AKAP9: variants seen among roughly 807,000 people sequenced by gnomAD.
AKAP9 encodes the protein A-kinase anchor protein 9.
AKAP9 carries 311 observed loss-of-function variants against 488.5 expected under a neutral mutation model. The observed-to-expected ratio is 0.64, with a 90% CI of 0.58 to 0.70. The LOEUF is 0.70. AKAP9 is among the 30% of genes least tolerant of loss of function. The pLI is 0.00. For synonymous variants in AKAP9, 1,462 were observed against 1,483.5 expected (o/e 0.99, Z 0.33); for missense variants, 4,215 against 4,374.5 (o/e 0.96, Z 1.03).
intron 39 of AKAP9, among the ~76,000 whole-genome samples, chr7:92,094,487 C>T (rs575396330): frequency 1.6e-4 from 23 of 145,282 alleles, no homozygotes; most frequent in Admixed American, 1.2e-3. Context: ...GAGCCAGGAT[C>T]GCGCTATTGC....
At chr7:92,049,461 A>C (rs1807540513) in intron 21 of AKAP9, among the ~76,000 whole-genome samples, 1 of 151,946 alleles carries the variant, frequency 6.6e-6, no homozygotes, top group African/African-American at 2.4e-5. Flanking sequence ...AATACAAAAA[A>C]TTAGCCAGGC....
chr7:92,068,504 C>T (rs1010455969), intron 26 of AKAP9, among the ~76,000 whole-genome samples: 3 of 151,766 alleles, frequency 2.0e-5, no homozygotes, highest in African/African-American at 7.3e-5. Context: ...AGAACCTAGG[C>T]TGTCATCTCC....
At chr7:92,095,829 C>T (rs942992889) in intron 40 of AKAP9, among the ~76,000 whole-genome samples, 8 of 152,164 alleles carry the variant, frequency 5.3e-5, no homozygotes, top group Non-Finnish European at 8.8e-5. Flanking sequence ...AGCCTCCAGG[C>T]AAAGAGAACT....
intron 2 of AKAP9, among the ~76,000 whole-genome samples, chr7:91,974,874 G>A (rs891675190): frequency 6.6e-6 from 1 of 151,122 alleles, no homozygotes; most frequent in Non-Finnish European, 1.5e-5. Flanking sequence ...TTTTTGAGAT[G>A]GGTTCTCACT....
At chr7:92,083,060 A>G in intron 32 of AKAP9, 110 bp from the exon 33 acceptor site, 2 of 1,321,616 alleles carry the variant, frequency 1.5e-6, no homozygotes, top group Non-Finnish European at 2.1e-6. Context: ...TACTCTGAGG[A>G]AAATGAACGT....
rs998815963 is a variant in AKAP9, at chr7:91,994,698, A to G, written c.654A>G (p.Arg218=). Residue 218 remains arginine (R), a synonymous_variant, in exon 6 of 50, where the codon AGA becomes AGG. Coordinates refer to ENST00000356239, the MANE Select transcript of AKAP9 (RefSeq NM_005751.5). ...TQLTANLQQA[R]REKDETMREF... ...TCACTGCTAATTTACAACAAGCAAG[A>G]AGAGAAAAGGATGAGACAATGAGAG... 1.9e-5 allele frequency: 30 copies of G among 1,613,466 alleles called. No individual in the cohort carries two copies. The highest frequency in any genetic ancestry group is 2.5e-5 in the Non-Finnish European group (29 of 1,179,676).
intron 1 of AKAP9, among the ~76,000 whole-genome samples, chr7:91,969,685 T>C (rs962080269): frequency 1.3e-5 from 2 of 152,210 alleles, no homozygotes; most frequent in African/African-American, 4.8e-5. Flanking sequence ...TTTTATAGTC[T>C]TGACTGGTAG....
intron 26 of AKAP9, among the ~76,000 whole-genome samples, chr7:92,068,952 T>C (rs1811236681): frequency 6.6e-6 from 1 of 152,196 alleles, no homozygotes; most frequent in Non-Finnish European, 1.5e-5. Flanking sequence ...TTCCTCACTT[T>C]CCATACAGTA....
intron 8 of AKAP9, among the ~76,000 whole-genome samples, chr7:92,010,480 C>T (rs1405386177): frequency 1.3e-5 from 2 of 152,124 alleles, no homozygotes; most frequent in Non-Finnish European, 1.5e-5. Flanking sequence ...TTTTTGTGAG[C>T]GGCCCAGCCC....
chr7:92,105,625 G>T, intron 46 of AKAP9, 53 bp from the exon 47 acceptor site: 1 of 1,254,502 alleles, frequency 8.0e-7, no homozygotes, highest in Non-Finnish European at 1.2e-6. Context: ...TGTAGGAAAT[G>T]TATATACTGT....
intron 1 of AKAP9, among the ~76,000 whole-genome samples, chr7:91,963,164 T>A (rs1249982865): frequency 6.6e-6 from 1 of 152,164 alleles, no homozygotes; most frequent in Non-Finnish European, 1.5e-5. Context: ...TTCCAGTTGG[T>A]TTATTTTTAA....
intron 26 of AKAP9, among the ~76,000 whole-genome samples, 178 bp downstream of exon 26, chr7:92,066,724 G>A (rs1288780476): frequency 2.0e-5 from 3 of 152,150 alleles, no homozygotes; most frequent in African/African-American, 7.2e-5. Flanking sequence ...TGTTGGTATT[G>A]AAATTTGGAA....
intron 21 of AKAP9, among the ~76,000 whole-genome samples, chr7:92,049,329 G>A (rs1348333264): frequency 6.6e-6 from 1 of 151,938 alleles, no homozygotes; most frequent in Admixed American, 6.6e-5. Flanking sequence ...ATAAAGTTTA[G>A]GGCCAGGCAC....
intron 1 of AKAP9, among the ~76,000 whole-genome samples, chr7:91,971,405 C>T (rs1281232755): frequency 6.6e-6 from 1 of 151,938 alleles, no homozygotes; most frequent in African/African-American, 2.4e-5. Context: ...TCACTAATTT[C>T]CTTTAAACTG....
intron 17 of AKAP9, among the ~76,000 whole-genome samples, chr7:92,039,540 C>T (rs7789492): frequency 0.45 from 68,522 of 152,094 alleles, 16,554 homozygotes; most frequent in African/African-American, 0.63. Context: ...ATAGAAGATC[C>T]ATTCTGTGTC....
At chr7:91,976,138 G>T (rs1795658916) in intron 2 of AKAP9, among the ~76,000 whole-genome samples, 1 of 152,072 alleles carries the variant, frequency 6.6e-6, no homozygotes, top group Non-Finnish European at 1.5e-5. Context: ...GGCCAGGGTG[G>T]TCTCGAACTC....
At chr7:92,071,769 C>T (rs749836827) in intron 28 of AKAP9, among the ~76,000 whole-genome samples, 3 of 152,090 alleles carry the variant, frequency 2.0e-5, no homozygotes, top group Non-Finnish European at 4.4e-5. Context: ...TAGTTATGAA[C>T]TTAAGCTGCT....
At chr7:92,106,035 T>G (rs1387769079) in intron 47 of AKAP9, among the ~76,000 whole-genome samples, 2 of 152,262 alleles carry the variant, frequency 1.3e-5, no homozygotes, top group Non-Finnish European at 2.9e-5. Context: ...TGCCTGATTA[T>G]CTGGGGTGGA....
Position 92,070,027 on chromosome 7 carries a change from C to G in AKAP9, c.6331-3C>G. 6.2e-7 allele frequency: 1 copy of G among 1,610,732 alleles called. No individual in the cohort carries two copies. The highest frequency in any genetic ancestry group is 8.5e-7 in the Non-Finnish European group (1 of 1,179,186). Reference sequence around the variant, plus strand: ...ATTAAATTTTTTGCCTCTTATATTTCAGGTTGAACAGTTAGCAAATCATCT... The same window carrying G: ...ATTAAATTTTTTGCCTCTTATATTTGAGGTTGAACAGTTAGCAAATCATCT... On this transcript the variant is annotated splice_region_variant and splice_polypyrimidine_tract_variant and intron_variant, in intron 26 of 49. Coordinates refer to ENST00000356239, the MANE Select transcript of AKAP9 (RefSeq NM_005751.5).
Sources: gnomAD v4.1 joint callset for allele counts (sites outside exome capture counted in the v4.1 genomes callset) on GRCh38, gnomAD v4.1.1 for gene constraint, MANE v1.5 for transcripts, NCBI Gene and HGNC (gene_info 2026-07-23, HGNC 2026-07-21) for gene names.